Variants in ACVR2B observed in about 807,000 individuals in gnomAD.
ACVR2B encodes activin A receptor type 2B, also known as activin receptor type-2B.
In ACVR2B, 18 loss-of-function variants were observed where a neutral mutation model predicts 65.1. That is an observed-to-expected ratio of 0.28 (90% confidence interval 0.19 to 0.41). ACVR2B has a LOEUF of 0.41. ACVR2B is among the 10% of genes least tolerant of loss of function. The probability of loss-of-function intolerance (pLI) is 1.00; values close to 1 mark genes in which losing one functional copy is unlikely to be tolerated. For synonymous variants in ACVR2B, 298 were observed against 277.7 expected (o/e 1.07, Z -0.73); for missense variants, 482 against 682.7 (o/e 0.71, Z 3.28).
At position 38,487,394 on chromosome 3, in the gene ACVR2B, T is replaced by A. The variant is rs1710141824; in HGVS notation, c.*4062T>A. The A allele has an allele frequency of 6.6e-6, 1 of 152,258 alleles. No individual in the cohort carries two copies. Among genetic ancestry groups the A allele is most frequent in the South Asian group, 2.1e-4 (1 of 4,836 alleles). The allele number at this position is 152,258 out of a possible 1,614,324, so 9.4% of individuals were successfully genotyped here. A position where few individuals can be genotyped will look rare whatever the true frequency, so the allele number is the denominator to read the frequency against. On this transcript the variant is annotated 3_prime_UTR_variant, in exon 11 of 11. Transcript: ENST00000352511. The stretch of plus-strand genomic sequence containing the variant: ...AGAGGCTAGGCTAACCCTCTTGACA[T>A]AACTTAGACAGCAAAGCACTTCATC...
intron 1 of ACVR2B, among the ~76,000 whole-genome samples, chr3:38,461,347 G>T (rs1259231900): frequency 6.6e-6 from 1 of 152,214 alleles, no homozygotes; most frequent in East Asian, 1.9e-4. Context: ...TATTGGGTTA[G>T]AGGGGAGTCC....
intron 1 of ACVR2B, among the ~76,000 whole-genome samples, chr3:38,458,005 A>G (rs1411815331): frequency 6.6e-6 from 1 of 151,990 alleles, no homozygotes; most frequent in Non-Finnish European, 1.5e-5. Flanking sequence ...GCCTTTTGGG[A>G]GGAATGGGTA....
chr3:38,474,639 A>G (rs1179541391), intron 1 of ACVR2B: 3 of 152,240 alleles, frequency 2.0e-5, no homozygotes, highest in Non-Finnish European at 4.4e-5. Context: ...TATTTCTCAT[A>G]CAAGTGTTCA....
At position 38,462,218 on chromosome 3, in the gene ACVR2B, CAAAT is replaced by C. The variant is rs530696973; in HGVS notation, c.52+7862_52+7865del. Reference sequence around the variant, plus strand: ...CAAAATAAATAAATAAATAAACAAACAAATAAATAAATAAATAAATAGGCTTTTT... The same window carrying C: ...CAAAATAAATAAATAAATAAACAAACAAATAAATAAATAAATAGGCTTTTT... On this transcript the variant is annotated intron_variant, in intron 1 of 10. Transcript: ENST00000352511. Among the ~76,000 whole-genome samples, 776 of 151,890 alleles carry C rather than the reference CAAAT, an allele frequency of 5.1e-3. 6 individuals are homozygous for C. Among genetic ancestry groups the C allele is most frequent in the African/African-American group, 0.016 (668 of 41,412 alleles).
rs944789222 is a variant in ACVR2B at position 38,491,544 on chromosome 3, G to T, written c.*8212G>T. On this transcript the variant is annotated 3_prime_UTR_variant, in exon 11 of 11. Coordinates refer to ENST00000352511, the MANE Select transcript of ACVR2B (RefSeq NM_001106.4). ...GTGTGTTTAGCCAAATAATTTCTCC[G>T]TAAGGGAAAAATGCAGTCACCCAAA... 4 of 152,514 alleles carry T rather than the reference G, an allele frequency of 2.6e-5. No homozygotes were observed. Among genetic ancestry groups the T allele is most frequent in the Non-Finnish European group, 4.4e-5 (3 of 68,030 alleles). 9.4% of individuals were successfully genotyped at this position (152,514 alleles called of 1,614,324 possible).
rs918316058 is a variant in ACVR2B, at chr3:38,490,335, C to G, written c.*7003C>G. On this transcript the variant is annotated 3_prime_UTR_variant, in exon 11 of 11. Coordinates refer to ENST00000352511, the MANE Select transcript of ACVR2B (RefSeq NM_001106.4). ...CGGGATAGTTTTATCAAGAGAATCC[C>G]TAATGTGTCATTTTAAACCAGCTGT... 6.6e-6 allele frequency: 1 copy of G among 152,548 alleles called. No homozygotes were observed. Among genetic ancestry groups the G allele is most frequent in the Non-Finnish European group, 1.5e-5 (1 of 68,046 alleles). 9.4% of individuals were successfully genotyped at this position (152,548 alleles called of 1,614,324 possible). A position where few individuals can be genotyped will look rare whatever the true frequency, so the allele number is the denominator to read the frequency against.
chr3:38,482,151 T>A, intron 8 of ACVR2B, 47 bp from the exon 9 acceptor site: 1 of 1,613,530 alleles, frequency 6.2e-7, no homozygotes, highest in Non-Finnish European at 8.5e-7. Flanking sequence ...CAGCTGTGTG[T>A]GTATGGCCAG....
At chr3:38,462,301 G>T (rs1709662132) in intron 1 of ACVR2B, among the ~76,000 whole-genome samples, 1 of 152,134 alleles carries the variant, frequency 6.6e-6, no homozygotes, top group African/African-American at 2.4e-5. Context: ...ATATACAGAA[G>T]AATGTACAAG....
chr3:38,472,794 C>T (rs1168170925), intron 1 of ACVR2B, among the ~76,000 whole-genome samples: 1 of 152,164 alleles, frequency 6.6e-6, no homozygotes, highest in Non-Finnish European at 1.5e-5. Flanking sequence ...TCTTTCTCTC[C>T]CCATTGCACT....
intron 1 of ACVR2B, among the ~76,000 whole-genome samples, chr3:38,460,527 C>T (rs890265957): frequency 3.9e-5 from 6 of 152,236 alleles, no homozygotes; most frequent in Non-Finnish European, 7.3e-5. Context: ...TTCCCGCCTT[C>T]GGACAGCCCC....
At position 38,481,992 on chromosome 3, in the gene ACVR2B, T is replaced by TA. The variant is rs1710024399; in HGVS notation, c.1075-201dup. 6.6e-6 allele frequency among the ~76,000 whole-genome samples: 1 copy of TA among 152,184 alleles called. No individual in the cohort carries two copies. The highest frequency in any genetic ancestry group is 1.5e-5 in the Non-Finnish European group (1 of 68,040). On this transcript the variant is annotated intron_variant, in intron 8 of 10. Coordinates refer to ENST00000352511, the MANE Select transcript of ACVR2B (RefSeq NM_001106.4). This position sits in a 1 kb window ranked among gnomAD's most constrained non-coding sequence, Gnocchi z 4.7. ...ACTATTATCTCCAGGATATAGTATT[T>TA]AAAAATTATTAGCCAAGTATAATTG...
intron 1 of ACVR2B, among the ~76,000 whole-genome samples, chr3:38,455,946 C>T (rs1228065054): frequency 6.6e-6 from 1 of 152,172 alleles, no homozygotes; most frequent in African/African-American, 2.4e-5. Context: ...TGCTGGGGCT[C>T]TTCCAAGCCC....
Position 38,481,544 on chromosome 3 carries a change from G to A in ACVR2B, c.1074+79G>A. On this transcript the variant is annotated intron_variant, in intron 8 of 10. Coordinates refer to ENST00000352511, the MANE Select transcript of ACVR2B (RefSeq NM_001106.4). The surrounding 1 kb of genome is among the most constrained non-coding windows in gnomAD (Gnocchi z 4.7). ...GCCCTTTTTGTGCTCAGCTGGGGAG[G>A]TGCAGGGATGAGGGTGACTGCATGC... 5 of 1,163,118 alleles carry A rather than the reference G, an allele frequency of 4.3e-6. No individual in the cohort carries two copies. Among genetic ancestry groups the A allele is most frequent in the Non-Finnish European group, 6.5e-6 (5 of 773,736 alleles). 72.0% of individuals were successfully genotyped at this position (1,163,118 alleles called of 1,614,324 possible). A position where few individuals can be genotyped will look rare whatever the true frequency, so the allele number is the denominator to read the frequency against.
rs538930907 is a variant in ACVR2B, at chr3:38,489,368, A to G, written c.*6036A>G. ...GTTAGTGAATTTGAATGATTTTGTA[A>G]TCAGAGCTAATGAGCTTTACCTTTC... On this transcript the variant is annotated 3_prime_UTR_variant, in exon 11 of 11. Coordinates refer to ENST00000352511, the MANE Select transcript of ACVR2B (RefSeq NM_001106.4). 14 of 152,632 alleles carry G rather than the reference A, an allele frequency of 9.2e-5. No individual in the cohort carries two copies. The highest frequency in any genetic ancestry group is 1.8e-4 in the Non-Finnish European group (12 of 68,032). 9.5% of individuals were successfully genotyped at this position (152,632 alleles called of 1,614,324 possible). A position where few individuals can be genotyped will look rare whatever the true frequency, so the allele number is the denominator to read the frequency against.
chr3:38,472,826 C>A (rs1229400033), intron 1 of ACVR2B, among the ~76,000 whole-genome samples: 1 of 152,156 alleles, frequency 6.6e-6, no homozygotes, highest in East Asian at 1.9e-4. Context: ...ACAGATGGGA[C>A]CTTGGTGAGG....
In ACVR2B at chr3:38,491,744, A is replaced by C. The variant is rs2059811930; in HGVS notation, c.*8412A>C. 6.6e-6 allele frequency: 1 copy of C among 152,218 alleles called. No homozygotes were observed. The highest frequency in any genetic ancestry group is 2.4e-5 in the African/African-American group (1 of 41,456). The allele number at this position is 152,218 out of a possible 1,614,324, so 9.4% of individuals were successfully genotyped here. A position where few individuals can be genotyped will look rare whatever the true frequency, so the allele number is the denominator to read the frequency against. On this transcript the variant is annotated 3_prime_UTR_variant, in exon 11 of 11. Coordinates refer to ENST00000352511, the MANE Select transcript of ACVR2B (RefSeq NM_001106.4). ...CTGCCAGTGAGGGAAGGAATTGTTAAAATGCCAGCGGCTTTTTTTTCCTCT... is the reference window on the plus strand; with the variant it reads ...CTGCCAGTGAGGGAAGGAATTGTTACAATGCCAGCGGCTTTTTTTTCCTCT...
chr3:38,477,103 G>T lies in ACVR2B; in HGVS notation c.53-184G>T, dbSNP rs897070086. 3.1e-6 allele frequency: 2 copies of T among 641,536 alleles called. No individual in the cohort carries two copies. The highest frequency in any genetic ancestry group is 2.7e-5 in the Admixed American group (1 of 36,476). The allele number at this position is 641,536 out of a possible 1,614,324, so 39.7% of individuals were successfully genotyped here. A position where few individuals can be genotyped will look rare whatever the true frequency, so the allele number is the denominator to read the frequency against. On this transcript the variant is annotated intron_variant, in intron 1 of 10. Transcript: ENST00000352511. This position sits in a 1 kb window ranked among gnomAD's most constrained non-coding sequence, Gnocchi z 6.7. ...TGGGGGCTGGTGCCAGCTGGCACACGTAAATTAAGAGGTGTGGGACGGATG... is the reference window on the plus strand; with the variant it reads ...TGGGGGCTGGTGCCAGCTGGCACACTTAAATTAAGAGGTGTGGGACGGATG...
rs1710167748 is a variant in ACVR2B, at chr3:38,488,976, A to G, written c.*5644A>G. 1 of 152,218 alleles carries G rather than the reference A, an allele frequency of 6.6e-6. No homozygotes were observed. Among genetic ancestry groups the G allele is most frequent in the East Asian group, 1.9e-4 (1 of 5,200 alleles). 9.4% of individuals were successfully genotyped at this position (152,218 alleles called of 1,614,324 possible). A position where few individuals can be genotyped will look rare whatever the true frequency, so the allele number is the denominator to read the frequency against. ...TATATAAACCTGGGCTATGCTGGAC[A>G]TCTACAGAAGAGTATTACATTCACT... is the stretch of plus-strand genomic sequence containing the variant. On this transcript the variant is annotated 3_prime_UTR_variant, in exon 11 of 11. Transcript: ENST00000352511.
Position 38,481,533 on chromosome 3 carries a change from C to A in ACVR2B, c.1074+68C>A. ...GTAGATACTTTGCCCTTTTTGTGCTCAGCTGGGGAGGTGCAGGGATGAGGG... is the reference window on the plus strand; with the variant it reads ...GTAGATACTTTGCCCTTTTTGTGCTAAGCTGGGGAGGTGCAGGGATGAGGG... On this transcript the variant is annotated intron_variant, in intron 8 of 10. Transcript: ENST00000352511. The surrounding 1 kb of genome is among the most constrained non-coding windows in gnomAD (Gnocchi z 4.7). 1 of 1,324,962 alleles carries A rather than the reference C, an allele frequency of 7.5e-7. No homozygotes were observed. The highest frequency in any genetic ancestry group is 1.1e-6 in the Non-Finnish European group (1 of 918,986). 82.1% of individuals were successfully genotyped at this position (1,324,962 alleles called of 1,614,324 possible).
Sources: gnomAD v4.1 joint callset for allele counts (sites outside exome capture counted in the v4.1 genomes callset) on GRCh38, gnomAD v4.1.1 for gene constraint, Gnocchi (gnomAD v3.1) non-coding constraint, MANE v1.5 for transcripts, NCBI Gene and HGNC (gene_info 2026-07-23, HGNC 2026-07-21) for gene names.